Variants in FOXN3 observed in about 807,000 individuals in gnomAD.
FOXN3 encodes the protein forkhead box protein N3.
A neutral mutation model predicts 38.4 loss-of-function variants in FOXN3; 7 were observed. The observed-to-expected ratio is 0.18, with a 90% CI of 0.10 to 0.34. The LOEUF (loss-of-function observed/expected upper bound fraction) is 0.34. FOXN3 is among the 10% of genes least tolerant of loss of function. The pLI is 1.00. For synonymous variants in FOXN3, 230 were observed against 242.2 expected (o/e 0.95, Z 0.47); for missense variants, 456 against 613.4 (o/e 0.74, Z 2.71).
At chr14:89,429,275 T>A (rs567092729) in intron 1 of FOXN3, among the ~76,000 whole-genome samples, 2 of 152,332 alleles carry the variant, frequency 1.3e-5, no homozygotes, top group African/African-American at 4.8e-5. Context: ...CTCATCACAC[T>A]GATACTCAGA....
chr14:89,580,929 T>A (rs539925796), intron 1 of FOXN3, among the ~76,000 whole-genome samples: 14 of 151,914 alleles, frequency 9.2e-5, no homozygotes, highest in African/African-American at 3.4e-4. Context: ...ATGCCTGTAA[T>A]CCCAGCACTT....
chr14:89,169,512 C>CACACAT (rs1426868691), intron 5 of FOXN3, among the ~76,000 whole-genome samples: 1 of 151,048 alleles, frequency 6.6e-6, no homozygotes, highest in African/African-American at 2.4e-5. Context: ...AGTGGTTACA[C>CACACAT]ACACACACAC....
chr14:89,387,748 G>A (rs1332982106), intron 2 of FOXN3, among the ~76,000 whole-genome samples: 2 of 152,186 alleles, frequency 1.3e-5, no homozygotes, highest in South Asian at 2.1e-4. Flanking sequence ...GTTGGTCTGG[G>A]GTATACAGAA....
chr14:89,193,605 G>C (rs992833882), intron 4 of FOXN3, among the ~76,000 whole-genome samples: 3 of 152,138 alleles, frequency 2.0e-5, no homozygotes, highest in African/African-American at 7.2e-5. Context: ...CTGAGTGGTA[G>C]TCACTGAACG....
intron 4 of FOXN3, among the ~76,000 whole-genome samples, chr14:89,241,923 C>T (rs1207406960): frequency 6.6e-6 from 1 of 152,230 alleles, no homozygotes; most frequent in Non-Finnish European, 1.5e-5. Flanking sequence ...GAGAAAGCCC[C>T]TGGCTACCAC....
At chr14:89,347,377 A>G (rs1888792739) in intron 3 of FOXN3, among the ~76,000 whole-genome samples, 1 of 152,194 alleles carries the variant, frequency 6.6e-6, no homozygotes, top group Non-Finnish European at 1.5e-5. Context: ...GGAAGGCCAA[A>G]AGCATTCCAG....
At chr14:89,501,738 A>T (rs970256335) in intron 1 of FOXN3, among the ~76,000 whole-genome samples, 4 of 152,092 alleles carry the variant, frequency 2.6e-5, no homozygotes, top group African/African-American at 9.7e-5. Context: ...AACACTAAAT[A>T]TGGGGACACT....
intron 1 of FOXN3, among the ~76,000 whole-genome samples, chr14:89,447,191 C>T (rs1342929978): frequency 7.1e-6 from 1 of 141,546 alleles, no homozygotes; most frequent in Non-Finnish European, 1.5e-5. Flanking sequence ...AGCAAAACTC[C>T]GTCACAAAAA....
chr14:89,477,859 A>T (rs898357860), intron 1 of FOXN3, among the ~76,000 whole-genome samples: 2 of 152,004 alleles, frequency 1.3e-5, no homozygotes, highest in African/African-American at 4.8e-5. Flanking sequence ...AATGTTGATG[A>T]GAACAACAGG....
intron 1 of FOXN3, among the ~76,000 whole-genome samples, chr14:89,506,108 C>A (rs1408534775): frequency 9.4e-6 from 1 of 105,878 alleles, no homozygotes; most frequent in African/African-American, 3.4e-5. Flanking sequence ...CCGCCCCGTC[C>A]GGGAGGTGAG....
At position 89,528,490 on chromosome 14, in the gene FOXN3, G is replaced by A. The variant is rs1371075592; in HGVS notation, c.-15+90538C>T. Among the ~76,000 whole-genome samples, 8 of 140,796 alleles carry A rather than the reference G, an allele frequency of 5.7e-5. No individual in the cohort carries two copies. In the East Asian group the frequency reaches 1.1e-3, roughly 19 times the overall value. The allele number at this position is 140,796 out of a possible 152,430, so 92.4% of individuals were successfully genotyped here. A position where few individuals can be genotyped will look rare whatever the true frequency, so the allele number is the denominator to read the frequency against. On this transcript the variant is annotated intron_variant, in intron 1 of 6. Transcript: ENST00000345097. ...TGGCTCACCGCAACCTCCGCCTCCC[G>A]GGTTCAAGCAATTCTCCTGCCTCAG...
At chr14:89,292,020 CA>C (rs1886888233) in intron 3 of FOXN3, among the ~76,000 whole-genome samples, 2 of 152,182 alleles carry the variant, frequency 1.3e-5, no homozygotes, top group African/African-American at 4.8e-5. Context: ...TCTCTCCACT[CA>C]TCAAGTCCCA....
intron 1 of FOXN3, among the ~76,000 whole-genome samples, chr14:89,463,951 A>G (rs139391410): frequency 1.3e-5 from 2 of 152,026 alleles, no homozygotes; most frequent in Non-Finnish European, 2.9e-5. Context: ...CACCCAGTGA[A>G]TTTTGAATTT....
intron 1 of FOXN3, among the ~76,000 whole-genome samples, chr14:89,602,895 T>G (rs1394807421): frequency 3.3e-4 from 50 of 152,270 alleles, no homozygotes. Context: ...TTTGGGGTAA[T>G]TAAATCCTAA....
intron 1 of FOXN3, among the ~76,000 whole-genome samples, chr14:89,583,822 A>C (rs1895792460): frequency 6.7e-6 from 1 of 149,568 alleles, no homozygotes; most frequent in Non-Finnish European, 1.5e-5. Flanking sequence ...GGCCTCCCAA[A>C]GTGCTGGGAT....
chr14:89,325,640 A>G (rs1351335631), intron 3 of FOXN3, among the ~76,000 whole-genome samples: 5 of 152,188 alleles, frequency 3.3e-5, no homozygotes, highest in Admixed American at 6.5e-5. Context: ...ACTTGTGGTG[A>G]TCTCATTGAA....
chr14:89,273,439 G>T (rs2139907337), intron 4 of FOXN3, among the ~76,000 whole-genome samples: 1 of 152,310 alleles, frequency 6.6e-6, no homozygotes, highest in African/African-American at 2.4e-5. Flanking sequence ...ACTATAGACG[G>T]GTAGCGGGAA....
chr14:89,242,935 G>A (rs970606788), intron 4 of FOXN3, among the ~76,000 whole-genome samples: 1 of 152,108 alleles, frequency 6.6e-6, no homozygotes, highest in African/African-American at 2.4e-5. Context: ...CATTAATCGG[G>A]GTGCTTATTT....
chr14:89,229,700 G>A (rs940013442), intron 4 of FOXN3, among the ~76,000 whole-genome samples: 2 of 152,208 alleles, frequency 1.3e-5, no homozygotes, highest in Admixed American at 6.5e-5. Flanking sequence ...GTGCAAGTCC[G>A]TGTGCAGTGC....
Sources: gnomAD v4.1 joint callset for allele counts (sites outside exome capture counted in the v4.1 genomes callset) on GRCh38, gnomAD v4.1.1 for gene constraint, MANE v1.5 for transcripts, NCBI Gene and HGNC (gene_info 2026-07-23, HGNC 2026-07-21) for gene names.